Variants in SCRIB observed in about 807,000 individuals in gnomAD.
The protein encoded by SCRIB is scribble planar cell polarity protein, also known as protein scribble homolog.
SCRIB carries 72 observed loss-of-function variants against 170.0 expected under a neutral mutation model. That is an observed-to-expected ratio of 0.42 (90% CI 0.35 to 0.52). The LOEUF is 0.52. Among genes scored for constraint, SCRIB ranks in the 20% least tolerant of loss-of-function variants. SCRIB has a pLI of 0.02. For synonymous variants in SCRIB, 1,298 were observed against 1,044.3 expected (o/e 1.24, Z -4.68); for missense variants, 2,475 against 2,338.5 (o/e 1.06, Z -1.20).
chr8:143,800,028 G>GCCCCCCCCCCCCCCCCCCCCCC (rs139869955), intron 24 of SCRIB, among the ~76,000 whole-genome samples: 2 of 127,086 alleles, frequency 1.6e-5, no homozygotes, highest in Non-Finnish European at 3.4e-5. Context: ...ATGAATTGAA[G>GCCCCCCCCCCCCCCCCCCCCCC]CCCCCCCCCC....
chr8:143,813,756 T>A (rs1250958897), intron 3 of SCRIB, 30 bp from the exon 4 acceptor site: 1 of 1,612,560 alleles, frequency 6.2e-7, no homozygotes, highest in South Asian at 1.1e-5. Context: ...GGCCCTCGGA[T>A]GACCAGTCCA....
At position 143,815,589 on chromosome 8, in the gene SCRIB, G is replaced by C. The variant is rs1272781137; in HGVS notation, c.-217C>G. Reference sequence around the variant, plus strand: ...GCCTGGGCAGGGGGCGCGGCCCGGCGGGTCTCAGACTCTTAGGAAGCGCGG... The same window carrying C: ...GCCTGGGCAGGGGGCGCGGCCCGGCCGGTCTCAGACTCTTAGGAAGCGCGG... On this transcript the variant is annotated 5_prime_UTR_variant, in exon 1 of 37. Transcript: ENST00000356994. 18 of 981,950 alleles carry C rather than the reference G, an allele frequency of 1.8e-5. No homozygotes were observed. The South Asian group carries it at 7.5e-4, about 41-fold the overall frequency. 60.8% of individuals were successfully genotyped at this position (981,950 alleles called of 1,614,324 possible).
Position 143,792,757 on chromosome 8 carries a change from G to C in SCRIB, c.4128C>G (p.Arg1376=), listed in dbSNP as rs782729873. The C allele has an allele frequency of 1.3e-6, 2 of 1,588,358 alleles. No individual in the cohort carries two copies. The highest frequency in any genetic ancestry group is 1.7e-6 in the Non-Finnish European group (2 of 1,170,624). The change falls in exon 30 of 37, where the codon CGC becomes CGG. Residue 1376 remains arginine, a synonymous_variant. Coordinates refer to ENST00000356994, the MANE Select transcript of SCRIB (RefSeq NM_182706.5). The part of the protein sequence containing the change: ...RVPQAEGPPK[R]VSLVGADDLR... The stretch of plus-strand genomic sequence containing the variant: ...GGTCGTCAGCACCCACCAGGGACAC[G>C]CGCTTAGGGGGGCCCTCGGCCTGGG...
chr8:143,803,150 G>A (rs1240672633), intron 24 of SCRIB, among the ~76,000 whole-genome samples: 1 of 152,162 alleles, frequency 6.6e-6, no homozygotes, highest in African/African-American at 2.4e-5. Flanking sequence ...CACGTGCCTC[G>A]TCCTACTTGG....
intron 17 of SCRIB, among the ~76,000 whole-genome samples, chr8:143,806,718 G>A (rs752360200): frequency 1.3e-5 from 2 of 152,236 alleles, no homozygotes; most frequent in Non-Finnish European, 2.9e-5. Flanking sequence ...GCTGGTGAGA[G>A]AAGGAGGGCT....
At chr8:143,813,427 G>A (rs1044310047) in intron 5 of SCRIB, 43 bp downstream of exon 5, 7 of 1,613,166 alleles carry the variant, frequency 4.3e-6, no homozygotes, top group South Asian at 2.2e-5. Context: ...TCCCTGGGCT[G>A]TGGCCCTGCC....
chr8:143,813,449 G>C, intron 5 of SCRIB, 21 bp downstream of exon 5: 1 of 1,613,232 alleles, frequency 6.2e-7, no homozygotes, highest in African/African-American at 1.3e-5. Flanking sequence ...TGGCTGTTAG[G>C]AGAATGCCTG....
chr8:143,809,468 AC>A, intron 14 of SCRIB, 82 bp downstream of exon 14: 20 of 1,484,942 alleles, frequency 1.3e-5, no homozygotes, highest in Non-Finnish European at 1.8e-5. Flanking sequence ...CTGCACCAAA[AC>A]CGATCCCAGC....
Position 143,793,085 on chromosome 8 carries a change from T to G in SCRIB, c.3910-2A>C, listed in dbSNP as rs2129991737. On this transcript the variant is annotated splice_acceptor_variant, in intron 28 of 36. Coordinates refer to ENST00000356994, the MANE Select transcript of SCRIB (RefSeq NM_182706.5). LOFTEE classifies it high-confidence loss of function. The stretch of plus-strand genomic sequence containing the variant: ...ATCCGGAGAAGGCGGGGAGGGCGGC[T>G]GGGGGGTGGGGCTCTTGTGAGCTAT... 9.7e-6 allele frequency: 13 copies of G among 1,339,388 alleles called. No individual in the cohort carries two copies. Among genetic ancestry groups the G allele is most frequent in the Non-Finnish European group, 1.2e-5 (12 of 1,008,218 alleles). The allele number at this position is 1,339,388 out of a possible 1,614,324, so 83.0% of individuals were successfully genotyped here.
chr8:143,810,175 C>T (rs1340676335), intron 13 of SCRIB, among the ~76,000 whole-genome samples: 3 of 152,128 alleles, frequency 2.0e-5, no homozygotes, highest in Admixed American at 6.5e-5. Flanking sequence ...ATGACACCCA[C>T]GGCAGTTCCA....
At chr8:143,804,547 G>C (rs782168266) in intron 21 of SCRIB, 21 bp downstream of exon 21, 4 of 1,489,344 alleles carry the variant, frequency 2.7e-6, no homozygotes. Context: ...GTGGGTGCCT[G>C]GGTGGGGGCT....
chr8:143,807,262 C>T (rs1815469696), intron 16 of SCRIB, among the ~76,000 whole-genome samples: 1 of 152,312 alleles, frequency 6.6e-6, no homozygotes, highest in East Asian at 1.9e-4. Context: ...TGATGGTGGC[C>T]CGAGGCCCCC....
At position 143,792,268 on chromosome 8, in the gene SCRIB, T is replaced by G. The variant is rs1554632970; in HGVS notation, c.4466A>C (p.Glu1489Ala). ...CTTCTCGGCCTCCAGGGCCCGGAGC[T>G]CGGCAGGGGACAGGGCACGCTCGGG... Reference protein sequence around the residue: ...PAPERALSPAELRALEAEKRA... With the variant: ...PAPERALSPAALRALEAEKRA... Residue 1489 changes from glutamate (E) to alanine (A), a missense_variant, in exon 32 of 37, where the codon GAG becomes GCG. Glu to Ala is a moderately radical substitution (Grantham distance 107, BLOSUM62 -1). This residue lies in a region of SCRIB where 1,966 missense variants were observed against 1,742.9 expected (regional missense o/e 1.13). Coordinates refer to ENST00000356994, the MANE Select transcript of SCRIB (RefSeq NM_182706.5). 6.4e-7 allele frequency: 1 copy of G among 1,571,364 alleles called. No homozygotes were observed. Among genetic ancestry groups the G allele is most frequent in the Admixed American group, 1.8e-5 (1 of 56,122 alleles).
chr8:143,813,481 C>G lies in SCRIB; in HGVS notation c.492G>C (p.Lys164Asn). The G allele has an allele frequency of 6.2e-7, 1 of 1,613,262 alleles. No individual in the cohort carries two copies. Among genetic ancestry groups the G allele is most frequent in the Non-Finnish European group, 8.5e-7 (1 of 1,180,000 alleles). The change falls in exon 5 of 37, where the codon AAG becomes AAC. Residue 164 changes from lysine (K) to asparagine (N), a missense_variant. Physicochemically the swap from Lys to Asn is moderately conservative, Grantham distance 94. Coordinates refer to ENST00000356994, the MANE Select transcript of SCRIB (RefSeq NM_182706.5). ...VTLELRENLLKSLPASLSFLV... is the reference protein window; with the variant it reads ...VTLELRENLLNSLPASLSFLV... ...CCTGTCACACTCACGCTGGCAGGGA[C>G]TTGAGCAGGTTCTCCCGGAGCTCCA...
Position 143,810,989 on chromosome 8 carries a change from C to T in SCRIB, c.1190G>A (p.Arg397Gln), listed in dbSNP as rs139472696. 4.1e-5 allele frequency: 66 copies of T among 1,611,476 alleles called. No homozygotes were observed. The highest frequency in any genetic ancestry group is 1.1e-4 in the South Asian group (10 of 90,848). ...LAENQAQPML[R>Q]FQTEDDARTG... ...CCGGGCATCATCCTCCGTCTGGAAC[C>T]GGAGCATGGGCTGCGCCTGGTTCTC... Residue 397 changes from arginine (R) to glutamine (Q), a missense_variant, in exon 11 of 37, where the codon CGG becomes CAG. Coordinates refer to ENST00000356994, the MANE Select transcript of SCRIB (RefSeq NM_182706.5).
At chr8:143,812,726 G>T in intron 8 of SCRIB, 91 bp downstream of exon 8, 1 of 1,490,044 alleles carries the variant, frequency 6.7e-7, no homozygotes, top group Non-Finnish European at 9.1e-7. Flanking sequence ...ATCCTCCCCT[G>T]TGTTCCACAC....
At chr8:143,815,012 C>A (rs1816001600) in intron 1 of SCRIB, 1 of 560,600 alleles carries the variant, frequency 1.8e-6, no homozygotes, top group Non-Finnish European at 3.0e-6. Flanking sequence ...TATCCCCAGG[C>A]AAGCACCTGA....
rs753699917 is a variant in SCRIB, at chr8:143,808,702, T to TTCC, written c.2019_2021dup (p.Glu679dup). 5 of 1,555,302 alleles carry TTCC rather than the reference T, an allele frequency of 3.2e-6. No homozygotes were observed. In the South Asian group the frequency reaches 5.0e-5, roughly 15 times the overall value. ...CAGCCCTGTTTTCCTCCTCCTCCTC[T>TTCC]TCCTCCTCCTCCTGAGGACTACCCT... On this transcript the variant is annotated inframe_insertion, in exon 15 of 37. Coordinates refer to ENST00000356994, the MANE Select transcript of SCRIB (RefSeq NM_182706.5).
rs183914499 is a variant in SCRIB at position 143,798,967 on chromosome 8, C to T, written c.3604-3437G>A. On this transcript the variant is annotated intron_variant, in intron 24 of 36. Coordinates refer to ENST00000356994, the MANE Select transcript of SCRIB (RefSeq NM_182706.5). The stretch of plus-strand genomic sequence containing the variant: ...GTCATGCCACAGGGATGCGGGGTCT[C>T]GCTGCCTGATCAAGGGACATCAAGG... 2.3e-3 allele frequency among the ~76,000 whole-genome samples: 356 copies of T among 152,256 alleles called. 1 individual carries two copies. Among genetic ancestry groups the T allele is most frequent in the Non-Finnish European group, 3.9e-3 (266 of 68,024 alleles).
Sources: gnomAD v4.1 joint callset for allele counts (sites outside exome capture counted in the v4.1 genomes callset) on GRCh38, gnomAD v4.1.1 for gene constraint, gnomAD v4.1.1 regional missense constraint, MANE v1.5 for transcripts, NCBI Gene and HGNC (gene_info 2026-07-23, HGNC 2026-07-21) for gene names.